AGBL4: variants seen among roughly 807,000 people sequenced by gnomAD.
AGBL4 encodes AGBL carboxypeptidase 4.
AGBL4 carries 58 observed loss-of-function variants against 66.4 expected under a neutral mutation model. The observed-to-expected ratio is 0.87, with a 90% CI of 0.71 to 1.09. AGBL4 has a LOEUF of 1.09. Among genes scored for constraint, AGBL4 ranks in the 50% least tolerant of loss-of-function variants. AGBL4 has a pLI of 0.00. For missense variants in AGBL4, 579 were observed against 631.0 expected (o/e 0.92, Z 0.88); for synonymous variants, 234 against 222.9 (o/e 1.05, Z -0.44).
chr1:48,735,683 T>C (rs2148573621), intron 6 of AGBL4, among the ~76,000 whole-genome samples: 1 of 152,138 alleles, frequency 6.6e-6, no homozygotes, highest in South Asian at 2.1e-4. Flanking sequence ...GAAAGGAAGC[T>C]GAATCTAGTG....
chr1:49,377,085 G>A (rs1644486382), intron 3 of AGBL4, among the ~76,000 whole-genome samples: 1 of 151,986 alleles, frequency 6.6e-6, no homozygotes, highest in South Asian at 2.1e-4. Flanking sequence ...TTCCGGAGTA[G>A]GTATGAGAGA....
At chr1:49,289,769 G>C (rs187214866) in intron 3 of AGBL4, among the ~76,000 whole-genome samples, 1 of 151,882 alleles carries the variant, frequency 6.6e-6, no homozygotes, top group African/African-American at 2.4e-5. Flanking sequence ...ATAGAAGAAA[G>C]GGTAAAATAA....
chr1:49,343,167 A>G (rs1263419659), intron 3 of AGBL4, among the ~76,000 whole-genome samples: 2 of 151,974 alleles, frequency 1.3e-5, no homozygotes, highest in Admixed American at 1.3e-4. Context: ...GTCACCCTCA[A>G]TGCCCACATG....
intron 3 of AGBL4, among the ~76,000 whole-genome samples, chr1:49,657,649 C>T (rs936317536): frequency 6.6e-6 from 1 of 152,038 alleles, no homozygotes; most frequent in African/African-American, 2.4e-5. Context: ...GGTACTGGTA[C>T]CAAAACAGAG....
chr1:48,638,011 T>A (rs1404858110), intron 8 of AGBL4, among the ~76,000 whole-genome samples: 3 of 152,162 alleles, frequency 2.0e-5, no homozygotes, highest in African/African-American at 7.2e-5. Context: ...CATAAAACAA[T>A]TGTATCCTTA....
chr1:49,084,499 C>T (rs1224276553), intron 4 of AGBL4, among the ~76,000 whole-genome samples: 1 of 152,100 alleles, frequency 6.6e-6, no homozygotes, highest in African/African-American at 2.4e-5. Context: ...GGGGAGCTCC[C>T]ATTTATAAAA....
At chr1:49,435,311 A>G (rs1319422188) in intron 3 of AGBL4, among the ~76,000 whole-genome samples, 2 of 152,230 alleles carry the variant, frequency 1.3e-5, no homozygotes, top group Admixed American at 1.3e-4. Flanking sequence ...GAGCATAAAA[A>G]TAATTTCCTT....
At chr1:48,526,267 C>T in the AGBL4 span, among the ~76,000 whole-genome samples, 5 of 152,138 alleles carry the variant, frequency 3.3e-5, no homozygotes, top group African/African-American at 7.2e-5. Context: ...GAGGGGAGAA[C>T]GAAAAGAACA....
chr1:49,593,059 T>C (rs943514891), intron 3 of AGBL4, among the ~76,000 whole-genome samples: 5 of 152,164 alleles, frequency 3.3e-5, no homozygotes, highest in Non-Finnish European at 7.3e-5. Context: ...TACTTGCACA[T>C]GCGTAAAATC....
chr1:50,000,819 A>G (rs753978971), intron 1 of AGBL4, among the ~76,000 whole-genome samples: 5 of 152,160 alleles, frequency 3.3e-5, no homozygotes, highest in Admixed American at 6.5e-5. Context: ...TGGAAAACCA[A>G]ACATCGTGTG....
intron 3 of AGBL4, among the ~76,000 whole-genome samples, chr1:49,284,209 G>T (rs551705204): frequency 1.3e-5 from 2 of 152,120 alleles, no homozygotes; most frequent in Non-Finnish European, 2.9e-5. Flanking sequence ...GAGAGTGGGG[G>T]CCAATATTCA....
intron 9 of AGBL4, among the ~76,000 whole-genome samples, chr1:48,617,015 T>C (rs1645330241): frequency 6.6e-6 from 1 of 151,644 alleles, no homozygotes; most frequent in Non-Finnish European, 1.5e-5. Context: ...AGTAGATGTG[T>C]TGGCAGATGG....
At chr1:49,205,810 C>G (rs1415555399) in intron 4 of AGBL4, among the ~76,000 whole-genome samples, 3 of 152,070 alleles carry the variant, frequency 2.0e-5, no homozygotes, top group Admixed American at 2.0e-4. Context: ...GGAAAAGTAT[C>G]TTATAAATGG....
At chr1:49,725,132 A>G (rs1329758901) in intron 2 of AGBL4, among the ~76,000 whole-genome samples, 1 of 152,082 alleles carries the variant, frequency 6.6e-6, no homozygotes, top group African/African-American at 2.4e-5. Flanking sequence ...TCAGAATATA[A>G]TGGACTTCAT....
At chr1:49,486,746 A>G (rs1386905466) in intron 3 of AGBL4, among the ~76,000 whole-genome samples, 1 of 152,052 alleles carries the variant, frequency 6.6e-6, no homozygotes, top group Non-Finnish European at 1.5e-5. Flanking sequence ...ACATGATGCA[A>G]ACAAGTTCTG....
intron 4 of AGBL4, among the ~76,000 whole-genome samples, chr1:49,137,354 A>C (rs529984072): frequency 6.6e-6 from 1 of 152,266 alleles, no homozygotes; most frequent in South Asian, 2.1e-4. Flanking sequence ...GGTTTGTACA[A>C]GATGATGTTG....
intron 2 of AGBL4, among the ~76,000 whole-genome samples, chr1:49,713,588 T>C (rs1230911864): frequency 5.3e-5 from 8 of 152,012 alleles, no homozygotes; most frequent in African/African-American, 1.9e-4. Flanking sequence ...AAAAATTCTT[T>C]GAATATTTAT....
intron 3 of AGBL4, among the ~76,000 whole-genome samples, chr1:49,696,522 A>C (rs1409305304): frequency 6.6e-6 from 1 of 152,184 alleles, no homozygotes; most frequent in African/African-American, 2.4e-5. Context: ...GGAAAATAAT[A>C]GTTTTTCATG....
At chr1:49,839,419 AT>A (rs1187945437) in intron 2 of AGBL4, among the ~76,000 whole-genome samples, 2 of 151,962 alleles carry the variant, frequency 1.3e-5, no homozygotes, top group Non-Finnish European at 1.5e-5. Context: ...TAAATGTCCT[AT>A]TTTTTCTCTA....
Sources: allele counts gnomAD v4.1 joint callset (sites outside exome capture counted in the v4.1 genomes callset), GRCh38; gene constraint gnomAD v4.1.1; transcripts MANE v1.5; gene names NCBI Gene and HGNC (gene_info 2026-07-23, HGNC 2026-07-21).